Variants in CSMD1 observed in about 807,000 individuals in gnomAD.
CSMD1 encodes the protein CUB and sushi domain-containing protein 1.
CSMD1 carries 213 observed loss-of-function variants against 417.5 expected under a neutral mutation model. The observed-to-expected ratio is 0.51, with a 90% CI of 0.46 to 0.57. The LOEUF is 0.57. Among genes scored for constraint, CSMD1 ranks in the 20% least tolerant of loss-of-function variants. The probability of loss-of-function intolerance (pLI) is 0.00; values close to 1 mark genes in which losing one functional copy is unlikely to be tolerated. For synonymous variants in CSMD1, 2,862 were observed against 1,736.8 expected (o/e 1.65, Z -16.11); for missense variants, 6,923 against 4,529.7 (o/e 1.53, Z -15.17).
At chr8:4,471,623 C>T (rs1006276202) in intron 2 of CSMD1, among the ~76,000 whole-genome samples, 2 of 152,068 alleles carry the variant, frequency 1.3e-5, no homozygotes, top group African/African-American at 4.8e-5. Flanking sequence ...TTACACCTAA[C>T]TCTGCGGCGA....
chr8:4,841,149 T>C (rs527493986), intron 1 of CSMD1, among the ~76,000 whole-genome samples: 4 of 152,330 alleles, frequency 2.6e-5, no homozygotes, highest in African/African-American at 9.6e-5. Context: ...TGAATGCATA[T>C]ATAAATAATG....
chr8:2,983,405 C>G (rs1585092474), intron 54 of CSMD1, among the ~76,000 whole-genome samples: 1 of 152,160 alleles, frequency 6.6e-6, no homozygotes, highest in Admixed American at 6.5e-5. Context: ...CCAGGATGGT[C>G]TCTATCTCCT....
At chr8:3,757,970 A>C (rs1797757875) in intron 5 of CSMD1, among the ~76,000 whole-genome samples, 1 of 151,972 alleles carries the variant, frequency 6.6e-6, no homozygotes, top group African/African-American at 2.4e-5. Flanking sequence ...GTCCTGCACA[A>C]ATTCCTTTTA....
intron 1 of CSMD1, among the ~76,000 whole-genome samples, chr8:4,789,899 T>C (rs371879796): frequency 2.6e-5 from 4 of 152,294 alleles, no homozygotes; most frequent in African/African-American, 9.6e-5. Flanking sequence ...GTAATAGAAT[T>C]TAGTAGTAGC....
At chr8:3,784,837 A>C (rs555042459) in intron 5 of CSMD1, among the ~76,000 whole-genome samples, 1 of 152,290 alleles carries the variant, frequency 6.6e-6, no homozygotes, top group African/African-American at 2.4e-5. Flanking sequence ...CTGATTTTCA[A>C]CTCATCCAAT....
chr8:2,974,847 T>C (rs1804787267), intron 55 of CSMD1, among the ~76,000 whole-genome samples: 1 of 152,246 alleles, frequency 6.6e-6, no homozygotes, highest in African/African-American at 2.4e-5. Flanking sequence ...AGTTTTTGTT[T>C]TGCTAAGGTA....
intron 3 of CSMD1, among the ~76,000 whole-genome samples, chr8:4,176,602 G>T (rs908002380): frequency 1.1e-5 from 1 of 87,576 alleles, no homozygotes; most frequent in South Asian, 5.6e-4. Context: ...CATAGGAGTA[G>T]GAAATTCTAA....
intron 5 of CSMD1, among the ~76,000 whole-genome samples, chr8:3,857,139 A>C (rs1031955088): frequency 6.6e-6 from 1 of 152,196 alleles, no homozygotes. Context: ...AAAGTTGTCT[A>C]CGAAGTTAGT....
chr8:4,365,116 T>C (rs1399964693), intron 3 of CSMD1, among the ~76,000 whole-genome samples: 1 of 152,192 alleles, frequency 6.6e-6, no homozygotes, highest in Non-Finnish European at 1.5e-5. Flanking sequence ...ACTTTAAGTG[T>C]GTAGACATAT....
chr8:4,720,784 G>A (rs893146831), intron 1 of CSMD1, among the ~76,000 whole-genome samples: 2 of 152,116 alleles, frequency 1.3e-5, no homozygotes, highest in African/African-American at 4.8e-5. Flanking sequence ...TCCATACTTT[G>A]TGACTTAGAA....
At chr8:3,039,321 C>CCTCTCTCCCTACCTTCCTTT (rs796592025) in intron 50 of CSMD1, among the ~76,000 whole-genome samples, 1 of 141,656 alleles carries the variant, frequency 7.1e-6, no homozygotes, top group African/African-American at 3.1e-5. Flanking sequence ...TCCCTTCCTT[C>CCTCTCTCCCTACCTTCCTTT]TTTTCCTTTC....
At chr8:4,156,059 G>A (rs893696228) in intron 3 of CSMD1, among the ~76,000 whole-genome samples, 6 of 152,104 alleles carry the variant, frequency 3.9e-5, no homozygotes, top group East Asian at 1.9e-4. Flanking sequence ...GATTCCTACA[G>A]AAATGGAATT....
intron 5 of CSMD1, among the ~76,000 whole-genome samples, chr8:3,955,157 T>C (rs1336520749): frequency 6.6e-6 from 1 of 152,170 alleles, no homozygotes; most frequent in Non-Finnish European, 1.5e-5. Flanking sequence ...ACAGAAGCAC[T>C]GACTGTCCTC....
intron 3 of CSMD1, among the ~76,000 whole-genome samples, chr8:4,216,651 G>A (rs17069501): frequency 0.032 from 4,896 of 152,152 alleles, 223 homozygotes; most frequent in East Asian, 0.1. Flanking sequence ...GTGTTCTTTC[G>A]TAAATGACTG....
chr8:4,750,721 C>G (rs957744846), intron 1 of CSMD1, among the ~76,000 whole-genome samples: 4 of 150,166 alleles, frequency 2.7e-5, no homozygotes, highest in Non-Finnish European at 4.4e-5. Flanking sequence ...AGAAACTTGA[C>G]TTTTGTCAGT....
chr8:3,560,630 G>A (rs1159826045), intron 10 of CSMD1, among the ~76,000 whole-genome samples: 2 of 152,128 alleles, frequency 1.3e-5, no homozygotes, highest in Non-Finnish European at 2.9e-5. Context: ...GAGATGGCGG[G>A]ATGATATAAA....
Position 3,831,722 on chromosome 8 carries a change from G to C in CSMD1, c.819-77680C>G, listed in dbSNP as rs181230746. 1.2e-3 allele frequency among the ~76,000 whole-genome samples: 187 copies of C among 152,168 alleles called. 1 individual carries two copies. The South Asian group carries it at 0.017, about 14-fold the overall frequency. ...TGCCAATGAATTTACTATTGAAAAA[G>C]AATAGGTTTCCAAATACAGTTCTCG... On this transcript the variant is annotated intron_variant, in intron 5 of 69. Transcript: ENST00000635120.
intron 30 of CSMD1, among the ~76,000 whole-genome samples, chr8:3,206,763 G>C (rs1034044828): frequency 4.6e-5 from 7 of 151,878 alleles, no homozygotes; most frequent in Non-Finnish European, 8.8e-5. Context: ...ATTTACTTTG[G>C]CTTCACTTTT....
intron 26 of CSMD1, among the ~76,000 whole-genome samples, chr8:3,232,486 T>C (rs1224114831): frequency 6.6e-6 from 1 of 152,178 alleles, no homozygotes; most frequent in Admixed American, 6.5e-5. Flanking sequence ...TTCCATCCTC[T>C]TCTTGATGGA....
Sources: allele counts gnomAD v4.1 joint callset (sites outside exome capture counted in the v4.1 genomes callset), GRCh38; gene constraint gnomAD v4.1.1; transcripts MANE v1.5; gene names NCBI Gene and HGNC (gene_info 2026-07-23, HGNC 2026-07-21).